Variants in DNER observed in about 807,000 individuals in gnomAD.
DNER encodes the protein delta and Notch-like epidermal growth factor-related receptor.
In DNER, 33 loss-of-function variants were observed where a neutral mutation model predicts 78.2. That is an observed-to-expected ratio of 0.42 (90% CI 0.32 to 0.56). The LOEUF is 0.56. DNER is among the 20% of genes least tolerant of loss of function. DNER has a pLI of 0.11. For synonymous variants in DNER, 417 were observed against 384.8 expected (o/e 1.08, Z -0.98); for missense variants, 918 against 975.3 (o/e 0.94, Z 0.78).
intron 11 of DNER, among the ~76,000 whole-genome samples, chr2:229,384,159 T>C (rs1692808632): frequency 6.6e-6 from 1 of 152,202 alleles, no homozygotes. Context: ...CCTGAATGAC[T>C]ACTGGGTAAA....
chr2:229,681,685 C>T (rs536466429), intron 1 of DNER, among the ~76,000 whole-genome samples: 2 of 152,198 alleles, frequency 1.3e-5, no homozygotes, highest in South Asian at 4.1e-4. Context: ...AGGGGGCACT[C>T]GAGGAGAATG....
rs1188460027 is a variant in DNER, at chr2:229,672,699, A to T, written c.276+41449T>A. ...GATATGAGATAGAGAGAGAGGTGAA[A>T]GCTACATCACCTCTTCCAACCTAGC... On this transcript the variant is annotated intron_variant, in intron 1 of 12. Coordinates refer to ENST00000341772, the MANE Select transcript of DNER (RefSeq NM_139072.4). Among the ~76,000 whole-genome samples the T allele has an allele frequency of 4.6e-5, 7 of 151,774 alleles. No individual in the cohort carries two copies. The East Asian group carries it at 1.4e-3, about 29-fold the overall frequency.
chr2:229,500,766 T>C (rs1463211409), intron 6 of DNER, among the ~76,000 whole-genome samples: 1 of 116,824 alleles, frequency 8.6e-6, no homozygotes, highest in Non-Finnish European at 2.1e-5. Context: ...GAGTAGGTTA[T>C]GGCGATATGT....
chr2:229,582,182 T>C (rs915072501), intron 4 of DNER, among the ~76,000 whole-genome samples: 2 of 152,236 alleles, frequency 1.3e-5, no homozygotes, highest in Admixed American at 6.5e-5. Flanking sequence ...AGAGTCCAGA[T>C]TGTAAAAGTA....
At chr2:229,364,665 C>G (rs935977745) in intron 12 of DNER, among the ~76,000 whole-genome samples, 5 of 152,164 alleles carry the variant, frequency 3.3e-5, no homozygotes, top group African/African-American at 1.2e-4. Context: ...CTCCCTCCCA[C>G]TGGCTCCTCC....
chr2:229,496,370 C>T (rs1045519269), intron 6 of DNER, among the ~76,000 whole-genome samples: 2 of 152,132 alleles, frequency 1.3e-5, no homozygotes, highest in African/African-American at 4.8e-5. Context: ...AAGATCACCT[C>T]CTGCTTCCAA....
chr2:229,499,946 T>C (rs1217271425), intron 6 of DNER, among the ~76,000 whole-genome samples: 1 of 135,996 alleles, frequency 7.4e-6, no homozygotes, highest in Non-Finnish European at 1.6e-5. Context: ...TTTTTTTTTT[T>C]CTCTTCAAGA....
At chr2:229,638,343 T>C (rs1698560791) in intron 1 of DNER, among the ~76,000 whole-genome samples, 1 of 152,140 alleles carries the variant, frequency 6.6e-6, no homozygotes, top group African/African-American at 2.4e-5. Context: ...CCTATAGTAA[T>C]CAAAGCAGTA....
At chr2:229,674,209 G>C (rs1042544451) in intron 1 of DNER, among the ~76,000 whole-genome samples, 19 of 152,192 alleles carry the variant, frequency 1.2e-4, no homozygotes, top group African/African-American at 4.1e-4. Context: ...CCTTTGTTTA[G>C]CTCTTCTCGA....
intron 11 of DNER, among the ~76,000 whole-genome samples, chr2:229,381,264 G>A (rs1014076674): frequency 6.6e-6 from 1 of 152,170 alleles, no homozygotes; most frequent in African/African-American, 2.4e-5. Context: ...TTTTCCCATG[G>A]TCTTCACAAT....
intron 1 of DNER, among the ~76,000 whole-genome samples, chr2:229,712,299 C>T (rs561607988): frequency 6.6e-6 from 1 of 152,284 alleles, no homozygotes; most frequent in South Asian, 2.1e-4. Flanking sequence ...TAGGACAAAT[C>T]AAAATATTTA....
intron 10 of DNER, among the ~76,000 whole-genome samples, chr2:229,390,575 T>C (rs115605742): frequency 1.5e-3 from 234 of 152,340 alleles, no homozygotes; most frequent in African/African-American, 5.2e-3. Context: ...TTGGTAAGAA[T>C]GGAGATGGTG....
At chr2:229,695,810 A>C (rs1486429081) in intron 1 of DNER, among the ~76,000 whole-genome samples, 2 of 152,148 alleles carry the variant, frequency 1.3e-5, no homozygotes, top group Admixed American at 1.3e-4. Flanking sequence ...GGAACGGAGG[A>C]TGAATAGTAA....
intron 10 of DNER, among the ~76,000 whole-genome samples, chr2:229,398,319 G>T (rs1281647602): frequency 3.3e-5 from 5 of 151,804 alleles, no homozygotes; most frequent in Non-Finnish European, 7.4e-5. Flanking sequence ...TAAAATAGAT[G>T]ATTTAAATAC....
intron 9 of DNER, among the ~76,000 whole-genome samples, chr2:229,411,577 T>C (rs1366954039): frequency 6.6e-6 from 1 of 151,790 alleles, no homozygotes; most frequent in East Asian, 1.9e-4. Context: ...GTAGGTACAA[T>C]GTACAATGTA....
At chr2:229,635,897 C>CA (rs1250112527) in intron 1 of DNER, among the ~76,000 whole-genome samples, 2 of 151,578 alleles carry the variant, frequency 1.3e-5, no homozygotes, top group South Asian at 2.1e-4. Flanking sequence ...ACTTAATCCT[C>CA]AAAAAAACTC....
chr2:229,358,348 G>T lies in DNER; in HGVS notation c.*192C>A. 4.4e-6 allele frequency: 2 copies of T among 456,952 alleles called. No homozygotes were observed. The highest frequency in any genetic ancestry group is 3.9e-6 in the Non-Finnish European group (1 of 258,646). The allele number at this position is 456,952 out of a possible 1,614,324, so 28.3% of individuals were successfully genotyped here. ...AGAGCTGAAGGTACATTAAAACATC[G>T]TCTATAGGTTTCACAAATTTTGTTT... On this transcript the variant is annotated 3_prime_UTR_variant, in exon 13 of 13. Coordinates refer to ENST00000341772, the MANE Select transcript of DNER (RefSeq NM_139072.4).
chr2:229,365,281 G>A (rs914664027), intron 12 of DNER, among the ~76,000 whole-genome samples: 1 of 152,150 alleles, frequency 6.6e-6, no homozygotes, highest in Admixed American at 6.5e-5. Flanking sequence ...TGGAAATGAG[G>A]AGGAGTCACA....
At chr2:229,688,972 C>T (rs1311382331) in intron 1 of DNER, among the ~76,000 whole-genome samples, 1 of 152,116 alleles carries the variant, frequency 6.6e-6, no homozygotes, top group African/African-American at 2.4e-5. Context: ...GGGAACAACA[C>T]ACAATGGGGC....
Sources: allele counts gnomAD v4.1 joint callset (sites outside exome capture counted in the v4.1 genomes callset), GRCh38; gene constraint gnomAD v4.1.1; transcripts MANE v1.5; gene names NCBI Gene and HGNC (gene_info 2026-07-23, HGNC 2026-07-21).